Variants in DSE observed in about 807,000 individuals in gnomAD.
The protein encoded by DSE is dermatan-sulfate epimerase.
Under a neutral mutation model 84.4 loss-of-function variants are expected in DSE, and 36 were observed. The observed-to-expected ratio is 0.43, with a 90% CI of 0.33 to 0.56. The LOEUF (loss-of-function observed/expected upper bound fraction) is 0.56, where lower values mean the gene tolerates loss of function less well. Among genes scored for constraint, DSE ranks in the 20% least tolerant of loss-of-function variants. The pLI, the probability that DSE is intolerant of heterozygous loss-of-function variation, is 0.06. For missense variants in DSE, 862 were observed against 1,169.6 expected (o/e 0.74, Z 3.84); for synonymous variants, 410 against 430.1 (o/e 0.95, Z 0.58).
At chr6:116,340,558 T>C (rs1282582301) in intron 2 of DSE, among the ~76,000 whole-genome samples, 1 of 152,144 alleles carries the variant, frequency 6.6e-6, no homozygotes, top group Non-Finnish European at 1.5e-5. Flanking sequence ...GATACATAGG[T>C]ATACATGTGT....
rs755196119 is a variant in DSE at position 116,435,605 on chromosome 6, A to G, written c.1137A>G (p.Lys379=). The change falls in exon 6 of 6, where the codon AAA becomes AAG. Residue 379 remains lysine, a synonymous_variant. Transcript: ENST00000644252. ...TEFLWYDGSL[K]SVPPPDFGTP... is the part of the protein sequence containing the mutation. ...ATTTCAGGTATGATGGCAGCTTGAA[A>G]TCGGTTCCTCCTCCAGACTTTGGCA... The G allele has an allele frequency of 1.3e-6, 2 of 1,573,608 alleles. No individual in the cohort carries two copies. Among genetic ancestry groups the G allele is most frequent in the East Asian group, 2.3e-5 (1 of 44,330 alleles).
upstream of DSE, chr6:116,370,263 T>C: frequency 8.3e-6 from 2 of 242,184 alleles, no homozygotes; most frequent in South Asian, 1.2e-4. Context: ...CATTAAATGC[T>C]TTGCTCCTGA....
At chr6:116,413,886 C>G (rs77826310) in intron 2 of DSE, among the ~76,000 whole-genome samples, 1,727 of 152,222 alleles carry the variant, frequency 0.011, 43 homozygotes, top group African/African-American at 0.038. Flanking sequence ...TACGGTTTTT[C>G]CCATTGTGAA....
At chr6:116,410,055 C>CT (rs1179404279) in intron 2 of DSE, among the ~76,000 whole-genome samples, 4 of 151,952 alleles carry the variant, frequency 2.6e-5, no homozygotes, top group Non-Finnish European at 4.4e-5. Flanking sequence ...GGAGCTTGGA[C>CT]TTTTTTTTAC....
At chr6:116,326,073 G>A (rs1027061811) in intron 2 of DSE, among the ~76,000 whole-genome samples, 2 of 152,238 alleles carry the variant, frequency 1.3e-5, no homozygotes, top group African/African-American at 2.4e-5. Context: ...GTCAGGGGTC[G>A]ATCTTTAACT....
chr6:116,368,444 C>G (rs144547183), upstream of DSE, among the ~76,000 whole-genome samples: 104 of 152,244 alleles, frequency 6.8e-4, 1 homozygote, highest in East Asian at 0.017. Flanking sequence ...CAATGATACC[C>G]AATATGTCAA....
chr6:116,279,064 T>C (rs1377425916), intron 2 of DSE: 1 of 1,613,316 alleles, frequency 6.2e-7, no homozygotes. Flanking sequence ...CCGCCCAAAC[T>C]TGTGCTCCAG....
intron 2 of DSE, among the ~76,000 whole-genome samples, chr6:116,402,607 C>A (rs1177508401): frequency 6.6e-6 from 1 of 151,756 alleles, no homozygotes; most frequent in East Asian, 1.9e-4. Flanking sequence ...GTAATTAGAC[C>A]CTGTTTGGTT....
chr6:116,346,258 A>T (rs1209254590), intron 2 of DSE, among the ~76,000 whole-genome samples: 1 of 152,232 alleles, frequency 6.6e-6, no homozygotes, highest in East Asian at 1.9e-4. Context: ...AGTCCTCCCT[A>T]ACTCATTTTA....
upstream of DSE, chr6:116,370,751 G>A: frequency 1.1e-6 from 1 of 889,586 alleles, no homozygotes. Context: ...GAGGAGGAGC[G>A]GGAGAAAGCG....
chr6:116,431,171 T>A lies in DSE; in HGVS notation c.888T>A (p.Phe296Leu). Residue 296 changes from phenylalanine (F) to leucine (L), a missense_variant, in exon 4 of 6, where the codon TTT becomes TTA. Phe to Leu is a conservative substitution (Grantham distance 22). Around this residue, in one of 4 missense-constraint regions of DSE, gnomAD observed 309 missense variants for 516.9 expected, o/e 0.60. Coordinates refer to ENST00000644252, the MANE Select transcript of DSE (RefSeq NM_013352.4). ...GHPWLKQHFA[F>L]MYRTILPGFQ... ...CGTGGCTTAAACAACACTTTGCATTTATGTATAGAACCATCCTGCCAGGTA... is the reference window on the plus strand; with the variant it reads ...CGTGGCTTAAACAACACTTTGCATTAATGTATAGAACCATCCTGCCAGGTA... The A allele has an allele frequency of 6.2e-7, 1 of 1,614,176 alleles. No homozygotes were observed. Among genetic ancestry groups the A allele is most frequent in the Non-Finnish European group, 8.5e-7 (1 of 1,180,012 alleles).
chr6:116,372,128 T>A (rs1779627467), intron 1 of DSE, among the ~76,000 whole-genome samples: 8 of 152,232 alleles, frequency 5.3e-5, no homozygotes, highest in Admixed American at 3.3e-4. Flanking sequence ...TTTTTAGTAT[T>A]TTTCACATTA....
chr6:116,260,017 G>A (rs753451473), intron 2 of DSE, among the ~76,000 whole-genome samples: 5 of 152,172 alleles, frequency 3.3e-5, no homozygotes, highest in Non-Finnish European at 7.4e-5. Flanking sequence ...TAATGGGATT[G>A]CTTGGCCAAA....
chr6:116,348,758 C>A (rs1258756586), intron 2 of DSE, among the ~76,000 whole-genome samples: 2 of 152,104 alleles, frequency 1.3e-5, no homozygotes, highest in African/African-American at 4.8e-5. Context: ...GGATTAAGAA[C>A]ATGTGGCACA....
At chr6:116,390,333 G>A (rs1780823033) in intron 1 of DSE, among the ~76,000 whole-genome samples, 1 of 152,082 alleles carries the variant, frequency 6.6e-6, no homozygotes, top group Non-Finnish European at 1.5e-5. Context: ...CCTCCCAACT[G>A]CTGGGATAAC....
chr6:116,304,576 T>C (rs567913434), intron 2 of DSE, among the ~76,000 whole-genome samples: 2 of 152,346 alleles, frequency 1.3e-5, no homozygotes, highest in African/African-American at 2.4e-5. Flanking sequence ...CCAAATGAGA[T>C]ACCAAAATGC....
chr6:116,278,600 G>A (rs1773279853), intron 2 of DSE: 2 of 1,614,140 alleles, frequency 1.2e-6, no homozygotes. Flanking sequence ...ACTCCTTCAC[G>A]CAACAGGTAG....
intron 2 of DSE, among the ~76,000 whole-genome samples, chr6:116,293,463 G>A (rs969736534): frequency 1.3e-5 from 2 of 151,782 alleles, no homozygotes. Context: ...GGAGAGACAG[G>A]GTTTCACCAT....
intron 2 of DSE, among the ~76,000 whole-genome samples, chr6:116,286,163 T>G (rs1446504753): frequency 6.6e-6 from 1 of 152,220 alleles, no homozygotes; most frequent in African/African-American, 2.4e-5. Context: ...GCATGGAATG[T>G]TCTTCCATTT....
Sources: gnomAD v4.1 joint callset for allele counts (sites outside exome capture counted in the v4.1 genomes callset) on GRCh38, gnomAD v4.1.1 for gene constraint, gnomAD v4.1.1 regional missense constraint, MANE v1.5 for transcripts, NCBI Gene and HGNC (gene_info 2026-07-23, HGNC 2026-07-21) for gene names.